SIPA1L3: variants seen among roughly 807,000 people sequenced by gnomAD.
SIPA1L3 encodes the protein signal induced proliferation associated 1 like 3.
A neutral mutation model predicts 150.1 loss-of-function variants in SIPA1L3; 59 were observed. The observed-to-expected ratio is 0.39, with a 90% CI of 0.32 to 0.49. SIPA1L3 has a LOEUF of 0.49. Ranked by LOEUF, SIPA1L3 falls within the 20% of genes least tolerant of loss-of-function variation. The pLI is 0.86. For missense variants in SIPA1L3, 2,211 were observed against 2,489.5 expected (o/e 0.89, Z 2.38); for synonymous variants, 1,070 against 1,077.6 (o/e 0.99, Z 0.14).
At chr19:38,180,273 T>C (rs531721992) in intron 15 of SIPA1L3, among the ~76,000 whole-genome samples, 24 of 152,330 alleles carry the variant, frequency 1.6e-4, no homozygotes, top group Non-Finnish European at 2.6e-4. Flanking sequence ...TTCAGCACTT[T>C]AAAAGTTACA....
chr19:38,089,512 G>A (rs1970215829), intron 4 of SIPA1L3, among the ~76,000 whole-genome samples: 4 of 152,114 alleles, frequency 2.6e-5, no homozygotes. Context: ...GATCATTTTA[G>A]GAACATGAGG....
chr19:37,966,118 T>C (rs1388181454), intron 1 of SIPA1L3, among the ~76,000 whole-genome samples: 1 of 152,226 alleles, frequency 6.6e-6, no homozygotes, highest in African/African-American at 2.4e-5. Flanking sequence ...GCTGTTTTTT[T>C]CTGAAATAAG....
At chr19:37,913,157 C>A (rs2046389924) in intron 1 of SIPA1L3, among the ~76,000 whole-genome samples, 1 of 151,834 alleles carries the variant, frequency 6.6e-6, no homozygotes, top group Non-Finnish European at 1.5e-5. Flanking sequence ...GTAGTCTTTA[C>A]CTCGGGGGTC....
chr19:38,065,888 C>T (rs900239540), intron 2 of SIPA1L3, among the ~76,000 whole-genome samples: 1 of 119,182 alleles, frequency 8.4e-6, no homozygotes, highest in Non-Finnish European at 1.7e-5. Context: ...TGCTCTGTTG[C>T]CCGGGTTTGA....
At chr19:38,063,037 C>T (rs543255015) in intron 2 of SIPA1L3, among the ~76,000 whole-genome samples, 12 of 152,316 alleles carry the variant, frequency 7.9e-5, no homozygotes, top group Non-Finnish European at 1.5e-4. Context: ...CTCTGAACCC[C>T]ATTGTGAAGC....
At chr19:38,021,523 G>C (rs1485351515) in intron 1 of SIPA1L3, among the ~76,000 whole-genome samples, 1 of 151,378 alleles carries the variant, frequency 6.6e-6, no homozygotes, top group Non-Finnish European at 1.5e-5. Context: ...AGGGGAAAAT[G>C]ACTGTTAGAT....
At chr19:38,168,232 C>T (rs1175341490) in intron 15 of SIPA1L3, among the ~76,000 whole-genome samples, 2 of 151,936 alleles carry the variant, frequency 1.3e-5, no homozygotes, top group African/African-American at 2.4e-5. Context: ...ACTAAAAATA[C>T]AAAAATTAGC....
chr19:38,205,101 C>A (rs745531193), intron 21 of SIPA1L3, among the ~76,000 whole-genome samples: 34 of 152,152 alleles, frequency 2.2e-4, no homozygotes, highest in South Asian at 4.1e-4. Flanking sequence ...TGTTTAACCA[C>A]CATGGTTGAG....
At chr19:38,126,623 G>A (rs1268338321) in intron 9 of SIPA1L3, among the ~76,000 whole-genome samples, 1 of 151,288 alleles carries the variant, frequency 6.6e-6, no homozygotes, top group Non-Finnish European at 1.5e-5. Context: ...TGCAACCTCC[G>A]CCTCCCCGGT....
Position 38,119,420 on chromosome 19 carries a change from C to T in SIPA1L3, c.2406C>T (p.Asn802=). 4 of 1,614,170 alleles carry T rather than the reference C, an allele frequency of 2.5e-6. No individual in the cohort carries two copies. Among genetic ancestry groups the T allele is most frequent in the South Asian group, 1.1e-5 (1 of 91,080 alleles). ...ACTTCTTGCTGGCCAAGGTGATTAA[C>T]GCTGAGAACGCCGCGCACAAGTCCG... ...FRDFLLAKVI[N]AENAAHKSDK... is the part of the protein sequence containing the mutation. Residue 802 remains asparagine, a synonymous_variant, in exon 9 of 22, where the codon AAC becomes AAT. Coordinates refer to ENST00000222345, the MANE Select transcript of SIPA1L3 (RefSeq NM_015073.3).
intron 1 of SIPA1L3, among the ~76,000 whole-genome samples, chr19:37,971,828 A>G (rs536064945): frequency 4.6e-5 from 7 of 151,932 alleles, no homozygotes; most frequent in Admixed American, 4.6e-4. Flanking sequence ...CAGCCTCCCA[A>G]AGTGCTGGGA....
intron 6 of SIPA1L3, among the ~76,000 whole-genome samples, chr19:38,102,243 T>C (rs113553913): frequency 0.13 from 18,749 of 144,088 alleles, 1,402 homozygotes; most frequent in African/African-American, 0.16. Flanking sequence ...GATGGGGATT[T>C]ACTATATTGG....
chr19:38,105,459 C>G (rs886108000), intron 6 of SIPA1L3, among the ~76,000 whole-genome samples: 1 of 152,150 alleles, frequency 6.6e-6, no homozygotes, highest in African/African-American at 2.4e-5. Context: ...AAGGCACTCC[C>G]TCTCCATGCC....
intron 10 of SIPA1L3, 100 bp downstream of exon 10, chr19:38,130,872 G>A: frequency 7.6e-7 from 1 of 1,316,466 alleles, no homozygotes; most frequent in South Asian, 1.4e-5. Flanking sequence ...AATAGAGGGG[G>A]GATAGGCAGG....
At chr19:38,017,667 A>G (rs573856772) in intron 1 of SIPA1L3, among the ~76,000 whole-genome samples, 18 of 151,916 alleles carry the variant, frequency 1.2e-4, no homozygotes, top group Non-Finnish European at 2.4e-4. Flanking sequence ...CTGGACTACA[A>G]GCATGTGCCA....
At chr19:38,104,046 G>A (rs1822082095) in intron 6 of SIPA1L3, among the ~76,000 whole-genome samples, 1 of 152,132 alleles carries the variant, frequency 6.6e-6, no homozygotes, top group African/African-American at 2.4e-5. Context: ...GACTACCACT[G>A]TCCTTGGGAG....
chr19:38,162,451 A>T (rs906635099), intron 14 of SIPA1L3, 80 bp downstream of exon 14: 8 of 1,028,888 alleles, frequency 7.8e-6, no homozygotes, highest in Admixed American at 1.8e-5. Context: ...ACTTGAGCAC[A>T]TCCTCAACCT....
chr19:37,996,722 G>T (rs193233708), intron 1 of SIPA1L3, among the ~76,000 whole-genome samples: 1 of 152,112 alleles, frequency 6.6e-6, no homozygotes, highest in Admixed American at 6.5e-5. Context: ...TTGAGACAGA[G>T]TCTCACTCTG....
intron 15 of SIPA1L3, among the ~76,000 whole-genome samples, chr19:38,179,393 G>A (rs1972511716): frequency 6.6e-6 from 1 of 152,202 alleles, no homozygotes; most frequent in Admixed American, 6.5e-5. Flanking sequence ...AGTGGGCCAA[G>A]GTTGCACCAC....
Sources: gnomAD v4.1 joint callset for allele counts (sites outside exome capture counted in the v4.1 genomes callset) on GRCh38, gnomAD v4.1.1 for gene constraint, MANE v1.5 for transcripts, NCBI Gene and HGNC (gene_info 2026-07-23, HGNC 2026-07-21) for gene names.